Variants in MYO3A observed in about 807,000 individuals in gnomAD.
The protein encoded by MYO3A is myosin-IIIa.
In MYO3A, 180 loss-of-function variants were observed where a neutral mutation model predicts 192.7. The ratio of observed to expected loss-of-function variants is 0.93; its 90% CI spans 0.83 to 1.06. MYO3A has a LOEUF of 1.06. MYO3A is among the 50% of genes least tolerant of loss of function. The pLI, the probability that MYO3A is intolerant of heterozygous loss-of-function variation, is 0.00. For missense variants in MYO3A, 1,896 were observed against 1,905.0 expected (o/e 1.00, Z 0.09); for synonymous variants, 628 against 645.3 (o/e 0.97, Z 0.41).
intron 26 of MYO3A, 103 bp downstream of exon 26, chr10:26,157,618 G>T: frequency 8.0e-7 from 1 of 1,252,670 alleles, no homozygotes. Flanking sequence ...AGGTCTAGGA[G>T]GGAGGCATTT....
chr10:26,153,980 T>C (rs374759015), intron 24 of MYO3A, 51 bp downstream of exon 24: 2 of 1,269,758 alleles, frequency 1.6e-6, no homozygotes, highest in Non-Finnish European at 2.3e-6. Flanking sequence ...CTAACCGGTA[T>C]GATGGCAATA....
rs542552869 is a variant in MYO3A at position 26,061,175 on chromosome 10, C to A, written c.954-5800C>A. On this transcript the variant is annotated intron_variant, in intron 10 of 34. Coordinates refer to ENST00000642920, the MANE Select transcript of MYO3A (RefSeq NM_017433.5). ...CGATCTCCTGACCTCATGATCTACC[C>A]GCCTCAACCTCCCAAAGTGCTGGGA... Among the ~76,000 whole-genome samples the A allele has an allele frequency of 9.9e-5, 15 of 152,192 alleles. No homozygotes were observed. In the East Asian group the frequency reaches 2.1e-3, roughly 22 times the overall value.
At chr10:26,189,088 T>C (rs901509281) in intron 31 of MYO3A, among the ~76,000 whole-genome samples, 5 of 152,130 alleles carry the variant, frequency 3.3e-5, no homozygotes, top group African/African-American at 1.2e-4. Context: ...CTCAATGAAA[T>C]AAAAGAGGAT....
chr10:25,978,271 A>C (rs1256233647), intron 4 of MYO3A, among the ~76,000 whole-genome samples: 1 of 152,214 alleles, frequency 6.6e-6, no homozygotes, highest in East Asian at 1.9e-4. Context: ...TCACACTGTC[A>C]GTAAAGACAT....
intron 4 of MYO3A, among the ~76,000 whole-genome samples, chr10:25,962,648 C>A (rs1838007105): frequency 6.6e-6 from 1 of 152,140 alleles, no homozygotes; most frequent in African/African-American, 2.4e-5. Context: ...GATGTAAATA[C>A]TTCTTTTGAC....
chr10:26,138,341 G>A (rs2131817088), intron 20 of MYO3A, among the ~76,000 whole-genome samples: 1 of 152,274 alleles, frequency 6.6e-6, no homozygotes, highest in East Asian at 1.9e-4. Flanking sequence ...TCCCCCGATA[G>A]TTCACCATTA....
In MYO3A at chr10:26,096,687, G is replaced by C; in HGVS notation, c.1776+5G>C. 4 of 1,536,068 alleles carry C rather than the reference G, an allele frequency of 2.6e-6. No homozygotes were observed. The highest frequency in any genetic ancestry group is 3.6e-6 in the Non-Finnish European group (4 of 1,109,130). ...GTCATAGGTTTTACAATGGAGGTAA[G>C]TATGAAAGACACTTGAACTTCTTTA... On this transcript the variant is annotated splice_donor_5th_base_variant and intron_variant, in intron 17 of 34. Coordinates refer to ENST00000642920, the MANE Select transcript of MYO3A (RefSeq NM_017433.5).
intron 5 of MYO3A, 63 bp from the exon 6 acceptor site, chr10:25,997,096 A>G (rs568041876): frequency 1.6e-6 from 2 of 1,287,256 alleles, no homozygotes; most frequent in Admixed American, 1.7e-5. Flanking sequence ...CAGGTACATC[A>G]TCTGAAAATT....
At chr10:26,099,206 CTGTT>C (rs1359827838) in intron 17 of MYO3A, among the ~76,000 whole-genome samples, 2 of 152,102 alleles carry the variant, frequency 1.3e-5, no homozygotes, top group African/African-American at 2.4e-5. Context: ...ATTTGGCTCT[CTGTT>C]TGTCTGTTAT....
rs780196851 is a variant in MYO3A at position 26,154,784 on chromosome 10, A to G, written c.2754A>G (p.Thr918=). 2.5e-6 allele frequency: 4 copies of G among 1,613,786 alleles called. No individual in the cohort carries two copies. Among genetic ancestry groups the G allele is most frequent in the Admixed American group, 1.7e-5 (1 of 59,976 alleles). Residue 918 remains threonine (T), a synonymous_variant, in exon 25 of 35, where the codon ACA becomes ACG. Coordinates refer to ENST00000642920, the MANE Select transcript of MYO3A (RefSeq NM_017433.5). ...AAGCCACACGTCATGCCAGAGAGAC[A>G]ACCAACATGAAAACACAAACGGTTG... ...TGEATRHARE[T]TNMKTQTVAS...
At chr10:26,090,968 T>A (rs1836664539) in intron 15 of MYO3A, among the ~76,000 whole-genome samples, 1 of 152,200 alleles carries the variant, frequency 6.6e-6, no homozygotes, top group Admixed American at 6.5e-5. Context: ...ATGGCCCTAA[T>A]GGGACACAGC....
intron 18 of MYO3A, 32 bp from the exon 19 acceptor site, chr10:26,125,366 T>C: frequency 6.2e-7 from 1 of 1,605,878 alleles, no homozygotes; most frequent in Non-Finnish European, 8.5e-7. Context: ...TTGCCATAAT[T>C]TCTTCTAACA....
At chr10:26,125,674 A>G in intron 19 of MYO3A, 66 bp downstream of exon 19, 2 of 1,291,464 alleles carry the variant, frequency 1.5e-6, no homozygotes, top group Non-Finnish European at 2.2e-6. Flanking sequence ...TTTCTAATTG[A>G]TTGTTTTGTA....
At chr10:25,960,439 C>T (rs747160721) in intron 4 of MYO3A, among the ~76,000 whole-genome samples, 3 of 152,188 alleles carry the variant, frequency 2.0e-5, no homozygotes, top group East Asian at 1.9e-4. Flanking sequence ...ACTGAAAAAT[C>T]GAAGTGTAAA....
At chr10:26,041,543 T>C (rs1843348314) in intron 10 of MYO3A, among the ~76,000 whole-genome samples, 1 of 152,048 alleles carries the variant, frequency 6.6e-6, no homozygotes, top group African/African-American at 2.4e-5. Flanking sequence ...AAGGTAATTT[T>C]CTCTGGTGGT....
chr10:26,060,771 G>A (rs913326207), intron 10 of MYO3A, among the ~76,000 whole-genome samples: 7 of 152,002 alleles, frequency 4.6e-5, no homozygotes, highest in Non-Finnish European at 1.0e-4. Context: ...AAAGGTAGAT[G>A]GACTTACTCA....
intron 34 of MYO3A, among the ~76,000 whole-genome samples, 198 bp from the exon 35 acceptor site, chr10:26,211,645 C>G (rs115874369): frequency 1.3e-5 from 2 of 152,184 alleles, no homozygotes; most frequent in Admixed American, 6.5e-5. Flanking sequence ...TGCTCCTCAG[C>G]TTAGAGGAGT....
chr10:26,016,821 T>C lies in MYO3A; in HGVS notation c.510T>C (p.Gly170=). The C allele has an allele frequency of 1.2e-6, 2 of 1,614,090 alleles. No individual in the cohort carries two copies. The highest frequency in any genetic ancestry group is 1.7e-6 in the Non-Finnish European group (2 of 1,179,916). ...TEGGVKLVDF[G]VSAQLTSTRH... ...AGTACATCTTGTCTCTTCCTCTAGGTGTGTCTGCACAGCTCACCAGTACCC... is the reference window on the plus strand; with the variant it reads ...AGTACATCTTGTCTCTTCCTCTAGGCGTGTCTGCACAGCTCACCAGTACCC... Residue 170 remains glycine (G), a splice_region_variant and synonymous_variant, in exon 7 of 35, where the codon GGT becomes GGC. Transcript: ENST00000642920.
intron 15 of MYO3A, among the ~76,000 whole-genome samples, chr10:26,095,954 A>G (rs916236172): frequency 3.9e-5 from 6 of 152,218 alleles, no homozygotes; most frequent in African/African-American, 1.4e-4. Flanking sequence ...TCCATAAAAT[A>G]GGAAACACAT....
Sources: gnomAD v4.1 joint callset for allele counts (sites outside exome capture counted in the v4.1 genomes callset) on GRCh38, gnomAD v4.1.1 for gene constraint, MANE v1.5 for transcripts, NCBI Gene and HGNC (gene_info 2026-07-23, HGNC 2026-07-21) for gene names.